Variants in ATP8A2 observed in about 807,000 individuals in gnomAD.
ATP8A2 encodes the protein phospholipid-transporting ATPase IB.
A neutral mutation model predicts 165.6 loss-of-function variants in ATP8A2; 100 were observed. The observed-to-expected ratio is 0.60, with a 90% CI of 0.51 to 0.71. The LOEUF is 0.71. Among genes scored for constraint, ATP8A2 ranks in the 30% least tolerant of loss-of-function variants. ATP8A2 has a pLI of 0.00. For synonymous variants in ATP8A2, 543 were observed against 548.8 expected, an observed-to-expected ratio of 0.99 and a Z score of 0.15; for missense variants, 1,227 against 1,479.5, an observed-to-expected ratio of 0.83 and a Z score of 2.80.
chr13:25,923,355 A>T (rs1244360382), intron 33 of ATP8A2, among the ~76,000 whole-genome samples: 1 of 152,190 alleles, frequency 6.6e-6, no homozygotes, highest in African/African-American at 2.4e-5. Context: ...ACCGCAAGAC[A>T]TTTGGGACAG....
chr13:25,971,875 A>G (rs1416182557), intron 35 of ATP8A2, among the ~76,000 whole-genome samples: 1 of 151,234 alleles, frequency 6.6e-6, no homozygotes, highest in East Asian at 1.9e-4. Context: ...CCTGAAACCC[A>G]CTCCCTCTCC....
At chr13:25,791,469 A>ATGT in intron 27 of ATP8A2, among the ~76,000 whole-genome samples, 1 of 151,998 alleles carries the variant, frequency 6.6e-6, no homozygotes, top group Middle Eastern at 3.4e-3. Context: ...TCTGTACAAC[A>ATGT]AACCACCATG....
At chr13:25,586,054 C>T (rs1473543261) in intron 23 of ATP8A2, among the ~76,000 whole-genome samples, 2 of 152,172 alleles carry the variant, frequency 1.3e-5, no homozygotes, top group Non-Finnish European at 2.9e-5. Context: ...CCCGATACTG[C>T]ACTAAGTCCT....
rs1348851538 is a variant in ATP8A2, at chr13:25,372,509, G to C, written c.76+221G>C. On this transcript the variant is annotated intron_variant, in intron 1 of 36. Transcript: ENST00000381655. The surrounding 1 kb of genome is among the most constrained non-coding windows in gnomAD (Gnocchi z 4.8). The stretch of plus-strand genomic sequence containing the variant: ...AAAAGGCTCCAGGCCGGGGCGAGGT[G>C]AGCGGCGGGCGTCAGAGACCCCCGG... 6.6e-6 allele frequency among the ~76,000 whole-genome samples: 1 copy of C among 152,200 alleles called. No individual in the cohort carries two copies. The highest frequency in any genetic ancestry group is 1.5e-5 in the Non-Finnish European group (1 of 68,026).
chr13:25,668,621 T>G (rs946806534), intron 24 of ATP8A2, among the ~76,000 whole-genome samples: 1 of 152,184 alleles, frequency 6.6e-6, no homozygotes, highest in Non-Finnish European at 1.5e-5. Flanking sequence ...TCTTTCTGCC[T>G]CTTTATCTCT....
At chr13:25,993,263 C>A (rs1300007289) in intron 35 of ATP8A2, among the ~76,000 whole-genome samples, 1 of 152,194 alleles carries the variant, frequency 6.6e-6, no homozygotes, top group Non-Finnish European at 1.5e-5. Context: ...GGAATCGCCA[C>A]ACTGCTATGA....
At chr13:25,854,474 C>T (rs1450301645) in intron 30 of ATP8A2, among the ~76,000 whole-genome samples, 1 of 152,110 alleles carries the variant, frequency 6.6e-6, no homozygotes, top group Non-Finnish European at 1.5e-5. Flanking sequence ...AGGCATGCAC[C>T]AGCATACCTG....
At chr13:25,619,078 G>C (rs1371925537) in intron 24 of ATP8A2, among the ~76,000 whole-genome samples, 1 of 152,156 alleles carries the variant, frequency 6.6e-6, no homozygotes, top group Non-Finnish European at 1.5e-5. Flanking sequence ...GAGAGTAAGG[G>C]ATTCTCAGGT....
intron 25 of ATP8A2, among the ~76,000 whole-genome samples, chr13:25,744,363 G>C (rs1210512299): frequency 6.6e-6 from 1 of 151,634 alleles, no homozygotes; most frequent in African/African-American, 2.4e-5. Flanking sequence ...CTGTGAGCCG[G>C]TGGCTCAGCT....
Position 26,024,075 on chromosome 13 carries a change from C to T in ATP8A2, c.*4090C>T, listed in dbSNP as rs1957123388. ...CCCCCTCCCTTCAAAAAAAGAAAAT[C>T]TATATCAGTTGGGTTTGGTTTTGGT... On this transcript the variant is annotated 3_prime_UTR_variant, in exon 37 of 37. Transcript: ENST00000381655. 4 of 152,220 alleles carry T rather than the reference C, an allele frequency of 2.6e-5. No homozygotes were observed. In the South Asian group the frequency reaches 8.3e-4, roughly 32 times the overall value. The allele number at this position is 152,220 out of a possible 1,614,324, so 9.4% of individuals were successfully genotyped here.
chr13:25,433,772 A>G (rs982514391), intron 1 of ATP8A2, among the ~76,000 whole-genome samples: 1 of 152,232 alleles, frequency 6.6e-6, no homozygotes, highest in Non-Finnish European at 1.5e-5. Context: ...TGTGGTATTT[A>G]TACACCATGG....
intron 27 of ATP8A2, among the ~76,000 whole-genome samples, chr13:25,809,815 G>C (rs934193812): frequency 6.6e-6 from 1 of 152,006 alleles, no homozygotes; most frequent in African/African-American, 2.4e-5. Flanking sequence ...TCCTGGAGTA[G>C]AGCCTAGTCC....
intron 25 of ATP8A2, among the ~76,000 whole-genome samples, chr13:25,757,171 C>T (rs1593300198): frequency 1.3e-5 from 2 of 152,208 alleles, no homozygotes; most frequent in South Asian, 2.1e-4. Context: ...ATCATGAAGG[C>T]TTTTCCTCAC....
chr13:25,920,090 G>C (rs1457919374), intron 33 of ATP8A2, among the ~76,000 whole-genome samples: 5 of 152,156 alleles, frequency 3.3e-5, no homozygotes, highest in Non-Finnish European at 7.3e-5. Flanking sequence ...GACCAGCGTT[G>C]TTTTGTCTTG....
At position 25,576,997 on chromosome 13, in the gene ATP8A2, A is replaced by G. The variant is rs571879642; in HGVS notation, c.1713-72A>G. 3.0e-4 allele frequency: 371 copies of G among 1,238,906 alleles called. 2 individuals carry two copies. In the African/African-American group the frequency reaches 3.2e-3, roughly 11 times the overall value. The allele number at this position is 1,238,906 out of a possible 1,614,324, so 76.7% of individuals were successfully genotyped here. On this transcript the variant is annotated intron_variant, in intron 19 of 36. Coordinates refer to ENST00000381655, the MANE Select transcript of ATP8A2 (RefSeq NM_016529.6). ...GAACCCCAGACCCCCTTTTGTTTTG[A>G]TTGGTGTTCAGCTGTGGGATATGCA...
intron 2 of ATP8A2, among the ~76,000 whole-genome samples, chr13:25,512,519 C>T (rs1461877823): frequency 3.6e-4 from 54 of 149,758 alleles, no homozygotes; most frequent in Non-Finnish European, 6.4e-4. Context: ...GCTGACCTCC[C>T]CACCTCCCTC....
intron 2 of ATP8A2, among the ~76,000 whole-genome samples, chr13:25,508,372 T>G (rs1018385036): frequency 6.6e-6 from 1 of 152,208 alleles, no homozygotes; most frequent in African/African-American, 2.4e-5. Context: ...CATGGACATA[T>G]GAACATGGGT....
chr13:25,876,910 G>T (rs1253900264), intron 33 of ATP8A2, among the ~76,000 whole-genome samples: 1 of 152,084 alleles, frequency 6.6e-6, no homozygotes, highest in Non-Finnish European at 1.5e-5. Flanking sequence ...TAAAATCTAA[G>T]ATGAGCATGA....
At chr13:25,773,355 C>T (rs9507574) in intron 26 of ATP8A2, among the ~76,000 whole-genome samples, 75,998 of 152,032 alleles carry the variant, frequency 0.5, 19,947 homozygotes, top group South Asian at 0.61. Flanking sequence ...CAGGACACCA[C>T]GCACCAGACC....
Sources: allele counts gnomAD v4.1 joint callset (sites outside exome capture counted in the v4.1 genomes callset), GRCh38; gene constraint gnomAD v4.1.1; non-coding constraint Gnocchi (gnomAD v3.1); transcripts MANE v1.5; gene names NCBI Gene and HGNC (gene_info 2026-07-23, HGNC 2026-07-21).